ACCSL: variants seen among roughly 807,000 people sequenced by gnomAD.
The protein encoded by ACCSL is 1-aminocyclopropane-1-carboxylate synthase homolog (inactive) like, also known as probable inactive 1-aminocyclopropane-1-carboxylate synthase-like protein 2.
ACCSL carries 55 observed loss-of-function variants against 61.7 expected under a neutral mutation model. That is an observed-to-expected ratio of 0.89 (90% CI 0.72 to 1.12). ACCSL has a LOEUF of 1.12. Ranked by LOEUF, ACCSL falls within the 50% of genes most tolerant of loss-of-function variation. The probability of loss-of-function intolerance (pLI) is 0.00; values close to 1 mark genes in which losing one functional copy is unlikely to be tolerated. For synonymous variants in ACCSL, 258 were observed against 264.3 expected (o/e 0.98, Z 0.23); for missense variants, 632 against 698.0 (o/e 0.91, Z 1.07).
At chr11:43,955,215 A>G in the ACCSL span, among the ~76,000 whole-genome samples, 2 of 152,170 alleles carry the variant, frequency 1.3e-5, no homozygotes, top group Non-Finnish European at 2.9e-5. Flanking sequence ...AAGCTAGACT[A>G]AACCCCTCAG....
chr11:43,941,388 A>T, the ACCSL span, among the ~76,000 whole-genome samples: 2 of 152,226 alleles, frequency 1.3e-5, no homozygotes, highest in Non-Finnish European at 2.9e-5. Context: ...CCTGAGCAGG[A>T]AAGTAACTTC....
chr11:44,053,166 G>A, intron 7 of ACCSL, 98 bp downstream of exon 7: 5 of 1,143,810 alleles, frequency 4.4e-6, no homozygotes, highest in South Asian at 1.3e-5. Context: ...AGACCTGGTG[G>A]GCTGTCCTTA....
chr11:44,023,041 CTTT>C, the ACCSL span, among the ~76,000 whole-genome samples: 2 of 86,420 alleles, frequency 2.3e-5, no homozygotes, highest in African/African-American at 9.5e-5. Flanking sequence ...TCTTCTTCTT[CTTT>C]TTTTTTTTTT....
At chr11:44,053,311 CT>C in intron 7 of ACCSL, 94 bp from the exon 8 acceptor site, 6 of 1,286,798 alleles carry the variant, frequency 4.7e-6, no homozygotes, top group Non-Finnish European at 6.7e-6. Flanking sequence ...CTACCTAGGC[CT>C]TTTTGGGTGC....
At chr11:43,951,487 A>G in the ACCSL span, among the ~76,000 whole-genome samples, 2 of 152,196 alleles carry the variant, frequency 1.3e-5, no homozygotes, top group African/African-American at 4.8e-5. Context: ...GGGAGAAGAC[A>G]TCTTTGGATG....
chr11:43,964,732 A>T, the ACCSL span, among the ~76,000 whole-genome samples: 1 of 152,188 alleles, frequency 6.6e-6, no homozygotes, highest in African/African-American at 2.4e-5. Flanking sequence ...GCATATTAAA[A>T]AGGATTATAC....
chr11:43,972,402 G>C, the ACCSL span, among the ~76,000 whole-genome samples: 2 of 152,196 alleles, frequency 1.3e-5, no homozygotes, highest in Non-Finnish European at 2.9e-5. Flanking sequence ...GACTCAGAGC[G>C]TAAATAGTTC....
chr11:43,968,372 A>G, the ACCSL span, among the ~76,000 whole-genome samples: 3 of 149,840 alleles, frequency 2.0e-5, no homozygotes, highest in East Asian at 5.9e-4. Flanking sequence ...TTGCCCCCCA[A>G]CCCCCGCAAG....
the ACCSL span, among the ~76,000 whole-genome samples, chr11:43,925,824 T>C: frequency 1.3e-5 from 2 of 152,092 alleles, no homozygotes; most frequent in Admixed American, 1.3e-4. Context: ...CACCGTGAAA[T>C]GGACTCAGAA....
the ACCSL span, among the ~76,000 whole-genome samples, chr11:43,957,365 A>C: frequency 4.0e-5 from 6 of 149,016 alleles, no homozygotes; most frequent in Non-Finnish European, 9.0e-5. Flanking sequence ...CCTGATTGGT[A>C]ATTGGTTAAA....
At chr11:43,925,429 C>G in the ACCSL span, 16 of 456,182 alleles carry the variant, frequency 3.5e-5, no homozygotes, top group African/African-American at 3.0e-4. Flanking sequence ...GCTGCACCAG[C>G]CAGGTGGCTG....
the ACCSL span, among the ~76,000 whole-genome samples, chr11:43,927,605 G>A: frequency 2.6e-5 from 4 of 152,208 alleles, no homozygotes; most frequent in African/African-American, 9.7e-5. Flanking sequence ...AAACCTTTGA[G>A]TACATCTCTG....
the ACCSL span, chr11:43,944,018 G>T: frequency 2.0e-6 from 1 of 498,052 alleles, no homozygotes; most frequent in South Asian, 2.0e-5. Flanking sequence ...TTCGGTCACC[G>T]GAACGAGGTT....
the ACCSL span, among the ~76,000 whole-genome samples, chr11:44,026,453 A>T: frequency 6.6e-6 from 1 of 152,122 alleles, no homozygotes; most frequent in African/African-American, 2.4e-5. Flanking sequence ...TTAATTCTTT[A>T]TGCTTGACTT....
the ACCSL span, among the ~76,000 whole-genome samples, chr11:44,015,888 G>A: frequency 7.9e-5 from 12 of 152,266 alleles, no homozygotes; most frequent in African/African-American, 2.4e-4. Flanking sequence ...AGGAGTAAGC[G>A]AAACATAAGA....
upstream of ACCSL, chr11:44,047,833 C>A (rs950847235): frequency 6.5e-6 from 4 of 613,802 alleles, no homozygotes; most frequent in Non-Finnish European, 1.1e-5. Flanking sequence ...GTACTCATTG[C>A]CCTAAAGAGT....
the ACCSL span, chr11:43,926,397 C>T: frequency 1.3e-5 from 5 of 379,900 alleles, no homozygotes; most frequent in African/African-American, 2.1e-5. Context: ...CTCAGATGCA[C>T]CCCCACAGGA....
At chr11:44,001,183 G>C in the ACCSL span, 1 of 152,130 alleles carries the variant, frequency 6.6e-6, no homozygotes, top group Non-Finnish European at 1.5e-5. Context: ...GGGGAGGACA[G>C]AAACATAAAC....
the ACCSL span, among the ~76,000 whole-genome samples, chr11:43,967,797 T>A: frequency 6.6e-6 from 1 of 152,222 alleles, no homozygotes; most frequent in African/African-American, 2.4e-5. Context: ...CATGCCCAGC[T>A]ATTGGTAGAA....
Sources: allele counts gnomAD v4.1 joint callset (sites outside exome capture counted in the v4.1 genomes callset), GRCh38; gene constraint gnomAD v4.1.1; transcripts MANE v1.5; gene names NCBI Gene and HGNC (gene_info 2026-07-23, HGNC 2026-07-21).